C3orf70: variants seen among roughly 807,000 people sequenced by gnomAD.
C3orf70 encodes UPF0524 protein C3orf70.
Under a neutral mutation model 20.7 loss-of-function variants are expected in C3orf70, and 15 were observed. That is an observed-to-expected ratio of 0.72 (90% CI 0.48 to 1.11). The LOEUF (loss-of-function observed/expected upper bound fraction) is 1.11. C3orf70 is among the 50% of genes most tolerant of loss of function. C3orf70 has a pLI of 0.00. For missense variants in C3orf70, 332 were observed against 317.6 expected (o/e 1.05, Z -0.34); for synonymous variants, 161 against 125.7 (o/e 1.28, Z -1.88).
intron 1 of C3orf70, among the ~76,000 whole-genome samples, chr3:185,129,205 G>C (rs1175760741): frequency 2.0e-5 from 3 of 152,172 alleles, no homozygotes; most frequent in Admixed American, 2.0e-4. Flanking sequence ...CCAACAGGTA[G>C]TTTTGCAATC....
chr3:185,106,682 TC>T (rs147346987), intron 1 of C3orf70, among the ~76,000 whole-genome samples: 1 of 152,048 alleles, frequency 6.6e-6, no homozygotes, highest in South Asian at 2.1e-4. Flanking sequence ...ACAATGTCTG[TC>T]CCCCGCCACA....
At chr3:185,138,912 C>T (rs1716683733) in intron 1 of C3orf70, among the ~76,000 whole-genome samples, 1 of 152,008 alleles carries the variant, frequency 6.6e-6, no homozygotes, top group South Asian at 2.1e-4. Flanking sequence ...CCAGCCTGGG[C>T]AAAATAGTGA....
Position 185,128,850 on chromosome 3 carries a change from A to C in C3orf70, c.196+23778T>G, listed in dbSNP as rs1577330997. On this transcript the variant is annotated intron_variant, in intron 1 of 1. Coordinates refer to ENST00000335012, the MANE Select transcript of C3orf70 (RefSeq NM_001025266.3). Reference sequence around the variant, plus strand: ...AAAAACTATGAAACAGACGATCTCAAGGTGCTTTCTTTCTTAAGTTCTAGA... The same window carrying C: ...AAAAACTATGAAACAGACGATCTCACGGTGCTTTCTTTCTTAAGTTCTAGA... 2.0e-5 allele frequency among the ~76,000 whole-genome samples: 3 copies of C among 152,180 alleles called. No homozygotes were observed. The East Asian group carries it at 5.8e-4, about 29-fold the overall frequency.
At chr3:185,139,511 C>T (rs1462855078) in intron 1 of C3orf70, among the ~76,000 whole-genome samples, 1 of 150,842 alleles carries the variant, frequency 6.6e-6, no homozygotes, top group Non-Finnish European at 1.5e-5. Context: ...CGAGATCATA[C>T]CACTGCACTC....
chr3:185,113,654 A>G (rs2108596716), intron 1 of C3orf70, among the ~76,000 whole-genome samples: 1 of 152,342 alleles, frequency 6.6e-6, no homozygotes, highest in South Asian at 2.1e-4. Context: ...GTAAAATTCC[A>G]GTTGTGATAT....
At chr3:185,152,599 G>A in intron 1 of C3orf70, 29 bp downstream of exon 1, 3 of 1,524,320 alleles carry the variant, frequency 2.0e-6, no homozygotes, top group Non-Finnish European at 2.6e-6. Flanking sequence ...GGACCGCGGC[G>A]GAAGGCGGGA....
rs1459950604 is a variant in C3orf70 at position 185,080,241 on chromosome 3, A to G, written c.*2766T>C. ...GAAGCTTAGCGAGTTTTTAATTATA[A>G]AGAGATTGTGCAAATACATAAGGTG... On this transcript the variant is annotated 3_prime_UTR_variant, in exon 2 of 2. Transcript: ENST00000335012. 6.6e-6 allele frequency: 1 copy of G among 152,652 alleles called. No homozygotes were observed. Among genetic ancestry groups the G allele is most frequent in the Non-Finnish European group, 1.5e-5 (1 of 68,046 alleles). 9.5% of individuals were successfully genotyped at this position (152,652 alleles called of 1,614,324 possible).
Position 185,077,134 on chromosome 3 carries a change from T to G in C3orf70, c.*5873A>C, listed in dbSNP as rs1431581236. On this transcript the variant is annotated 3_prime_UTR_variant, in exon 2 of 2. Coordinates refer to ENST00000335012, the MANE Select transcript of C3orf70 (RefSeq NM_001025266.3). ...CAGAGACATGGTATAGGGTGCGGGG[T>G]GGGGGGGCACTGTATGGAGGACAGA... Among the ~76,000 whole-genome samples the G allele has an allele frequency of 2.0e-5, 3 of 148,662 alleles. No homozygotes were observed. The highest frequency in any genetic ancestry group is 2.1e-4 in the South Asian group (1 of 4,692).
chr3:185,084,385 T>G (rs942392995), intron 1 of C3orf70, among the ~76,000 whole-genome samples: 1 of 152,036 alleles, frequency 6.6e-6, no homozygotes, highest in African/African-American at 2.4e-5. Flanking sequence ...ACATATTTAT[T>G]TAATAGGTAG....
chr3:185,091,908 CATACAT>C (rs1715582801), intron 1 of C3orf70, among the ~76,000 whole-genome samples: 1 of 58,988 alleles, frequency 1.7e-5, no homozygotes, highest in South Asian at 6.1e-4. Flanking sequence ...CACACACACA[CATACAT>C]ATATATATAT....
chr3:185,137,970 T>C (rs1561364908), intron 1 of C3orf70, among the ~76,000 whole-genome samples: 2 of 152,134 alleles, frequency 1.3e-5, no homozygotes, highest in Non-Finnish European at 2.9e-5. Context: ...CTGCCTCTTT[T>C]AAAAGGTCAA....
chr3:185,092,845 G>C (rs1715620354), intron 1 of C3orf70, among the ~76,000 whole-genome samples: 1 of 152,132 alleles, frequency 6.6e-6, no homozygotes. Flanking sequence ...ACAAAAATTA[G>C]TTGGGTGCGG....
chr3:185,137,080 G>A (rs903065294), intron 1 of C3orf70, among the ~76,000 whole-genome samples: 2 of 152,302 alleles, frequency 1.3e-5, no homozygotes, highest in Admixed American at 1.3e-4. Context: ...TTGTAGGAGG[G>A]ACCTGGTGGA....
chr3:185,141,801 A>AACACACACACACACAC (rs66562532), intron 1 of C3orf70, among the ~76,000 whole-genome samples: 12 of 146,458 alleles, frequency 8.2e-5, no homozygotes, highest in African/African-American at 3.0e-4. Flanking sequence ...ATGCAAAGGA[A>AACACACACACACACAC]ACACACACAC....
chr3:185,094,935 C>T (rs544733900), intron 1 of C3orf70, among the ~76,000 whole-genome samples: 1 of 152,132 alleles, frequency 6.6e-6, no homozygotes, highest in Admixed American at 6.5e-5. Context: ...AGACTCAGCC[C>T]GTCTGTATTA....
intron 1 of C3orf70, among the ~76,000 whole-genome samples, chr3:185,111,576 C>T (rs13327736): frequency 0.046 from 6,952 of 152,138 alleles, 361 homozygotes; most frequent in African/African-American, 0.14. Context: ...ACAATAAAAA[C>T]GGTTGGCAAG....
At chr3:185,125,048 T>C (rs1716379338) in intron 1 of C3orf70, among the ~76,000 whole-genome samples, 1 of 152,164 alleles carries the variant, frequency 6.6e-6, no homozygotes, top group African/African-American at 2.4e-5. Context: ...GTATATTCAT[T>C]CATTGTTGGT....
chr3:185,149,765 A>G (rs548365952), intron 1 of C3orf70, among the ~76,000 whole-genome samples: 2 of 152,354 alleles, frequency 1.3e-5, no homozygotes, highest in Non-Finnish European at 2.9e-5. Context: ...GAATGGGATC[A>G]CTGAGCTGCT....
intron 1 of C3orf70, among the ~76,000 whole-genome samples, chr3:185,117,875 A>C (rs1487071786): frequency 6.6e-6 from 1 of 152,194 alleles, no homozygotes; most frequent in Non-Finnish European, 1.5e-5. Context: ...GTAAAAGTGA[A>C]ATCAGTACAA....
Sources: allele counts gnomAD v4.1 joint callset (sites outside exome capture counted in the v4.1 genomes callset), GRCh38; gene constraint gnomAD v4.1.1; transcripts MANE v1.5; gene names NCBI Gene and HGNC (gene_info 2026-07-23, HGNC 2026-07-21).